The following MTMR6 variants were observed in gnomAD, a reference collection of about 807,000 sequenced individuals.
The protein encoded by MTMR6 is myotubularin related protein 6.
A neutral mutation model predicts 80.1 loss-of-function variants in MTMR6; 47 were observed. The ratio of observed to expected loss-of-function variants is 0.59; its 90% CI spans 0.46 to 0.75. The LOEUF is 0.75. MTMR6 is among the 30% of genes least tolerant of loss of function. The pLI is 0.00. For missense variants in MTMR6, 629 were observed against 730.9 expected (o/e 0.86, Z 1.61); for synonymous variants, 254 against 253.0 (o/e 1.00, Z -0.04).
chr13:25,263,315 C>T (rs1258580863), intron 5 of MTMR6, among the ~76,000 whole-genome samples: 1 of 152,190 alleles, frequency 6.6e-6, no homozygotes, highest in Admixed American at 6.5e-5. Flanking sequence ...AATGCCTGTA[C>T]GAGAACTAGC....
rs1234502675 is a variant in MTMR6 at position 25,248,973 on chromosome 13, T to C, written c.*259A>G. The C allele has an allele frequency of 2.3e-6, 1 of 439,210 alleles. No individual in the cohort carries two copies. Among genetic ancestry groups the C allele is most frequent in the African/African-American group, 2.0e-5 (1 of 50,756 alleles). The allele number at this position is 439,210 out of a possible 1,614,324, so 27.2% of individuals were successfully genotyped here. A position where few individuals can be genotyped will look rare whatever the true frequency, so the allele number is the denominator to read the frequency against. On this transcript the variant is annotated 3_prime_UTR_variant, in exon 14 of 14. Transcript: ENST00000381801. Reference sequence around the variant, plus strand: ...AATCATAAACGTCAATTCACTAGTGTACAGTGCAAATTGTGTTTTGAGTAA... The same window carrying C: ...AATCATAAACGTCAATTCACTAGTGCACAGTGCAAATTGTGTTTTGAGTAA...
intron 1 of MTMR6, among the ~76,000 whole-genome samples, chr13:25,277,229 TTCAA>T (rs1957745921): frequency 1.3e-5 from 2 of 152,338 alleles, no homozygotes; most frequent in African/African-American, 2.4e-5. Context: ...ACCCCCAACA[TTCAA>T]TCAATCACCA....
chr13:25,273,401 C>CA (rs1015049638), intron 2 of MTMR6, among the ~76,000 whole-genome samples: 19 of 150,532 alleles, frequency 1.3e-4, no homozygotes, highest in African/African-American at 3.7e-4. Flanking sequence ...TTTATACTAG[C>CA]AAAAAAAATA....
At position 25,257,805 on chromosome 13, in the gene MTMR6, G is replaced by A. The variant is rs141856051; in HGVS notation, c.900C>T (p.Ser300=). Residue 300 remains serine (S), a synonymous_variant, in exon 8 of 14, where the codon TCC becomes TCT. Transcript: ENST00000381801. ...GAAGCCATCCCGAGCTCTCCAAACC[G>A]GAGTAGAAATCATTGACAGAAAGCC... is the stretch of plus-strand genomic sequence containing the variant. ...TKGLSVNDFY[S]GLESSGWLRH... is the part of the protein sequence containing the mutation. 2.1e-3 allele frequency: 3,437 copies of A among 1,613,596 alleles called. 50 individuals carry two copies. The African/African-American group carries it at 0.033, about 15-fold the overall frequency.
At chr13:25,262,549 G>A (rs1352435354) in intron 5 of MTMR6, among the ~76,000 whole-genome samples, 2 of 152,034 alleles carry the variant, frequency 1.3e-5, no homozygotes, top group African/African-American at 4.8e-5. Context: ...TGTATTTTTT[G>A]TTAAGATGGG....
At chr13:25,274,945 C>CACACACACACACACACAG (rs1957676343) in intron 1 of MTMR6, among the ~76,000 whole-genome samples, 2 of 125,006 alleles carry the variant, frequency 1.6e-5, no homozygotes, top group Non-Finnish European at 1.7e-5. Flanking sequence ...GACAGACACA[C>CACACACACACACACACAG]ACACACACAC....
intron 7 of MTMR6, among the ~76,000 whole-genome samples, chr13:25,258,105 A>T (rs1011046024): frequency 6.6e-6 from 1 of 152,242 alleles, no homozygotes; most frequent in Non-Finnish European, 1.5e-5. Context: ...CTTATATTTT[A>T]ATTTTTTAAA....
intron 10 of MTMR6, 114 bp downstream of exon 10, chr13:25,254,271 T>C (rs1392510365): frequency 2.5e-6 from 2 of 791,528 alleles, no homozygotes; most frequent in East Asian, 5.3e-5. Flanking sequence ...GTAAAAACCA[T>C]GACACTCTTA....
intron 1 of MTMR6, among the ~76,000 whole-genome samples, chr13:25,281,614 A>G (rs925436445): frequency 2.6e-5 from 4 of 152,158 alleles, no homozygotes; most frequent in African/African-American, 9.7e-5. Flanking sequence ...CTACAACTAC[A>G]TAACAATAGA....
In MTMR6 at chr13:25,274,146, G is replaced by A. The variant is rs1198430836; in HGVS notation, c.66C>T (p.Asn22=). The change falls in exon 2 of 14, where the codon AAC becomes AAT. Residue 22 remains asparagine, a synonymous_variant. Transcript: ENST00000381801. Reference sequence around the variant, plus strand: ...GATACAGTGTTCCTGTTAATGACTTGTTGCTGGTACTGAATCGGTCAAGTA... The same window carrying A: ...GATACAGTGTTCCTGTTAATGACTTATTGCTGGTACTGAATCGGTCAAGTA... ...VKLLDRFSTS[N]KSLTGTLYLT... The A allele has an allele frequency of 3.7e-6, 6 of 1,612,490 alleles. No individual in the cohort carries two copies. The Admixed American group carries it at 1.0e-4, about 27-fold the overall frequency.
Position 25,266,288 on chromosome 13 carries a change from TACAGAATAC to T in MTMR6, c.305-11_305-3del. On this transcript the variant is annotated splice_region_variant and splice_polypyrimidine_tract_variant and intron_variant, in intron 3 of 13. Transcript: ENST00000381801. ...ATGCATAGAGATCTTCATATTTTGC[TACAGAATAC>T]AAAATTTTAAATGTTAAGTGCAATT... is the stretch of plus-strand genomic sequence containing the variant. 2 of 1,604,382 alleles carry T rather than the reference TACAGAATAC, an allele frequency of 1.2e-6. No individual in the cohort carries two copies. Among genetic ancestry groups the T allele is most frequent in the Non-Finnish European group, 1.7e-6 (2 of 1,172,114 alleles).
intron 3 of MTMR6, among the ~76,000 whole-genome samples, chr13:25,267,169 C>T (rs1443350487): frequency 6.6e-6 from 1 of 151,086 alleles, no homozygotes; most frequent in African/African-American, 2.4e-5. Context: ...ACTGCTTGAA[C>T]CTGGGAGGCG....
Position 25,272,881 on chromosome 13 carries a change from C to T in MTMR6, c.141+1190G>A, listed in dbSNP as rs144963915. Among the ~76,000 whole-genome samples the T allele has an allele frequency of 2.8e-4, 43 of 152,152 alleles. 1 individual carries two copies. In the South Asian group the frequency reaches 4.4e-3, roughly 15 times the overall value. ...TCCATAGCTTTGCTATTGTGAACAG[C>T]GCTGCAACAAACATGCAAATGCCCG... On this transcript the variant is annotated intron_variant, in intron 2 of 13. Coordinates refer to ENST00000381801, the MANE Select transcript of MTMR6 (RefSeq NM_004685.5).
chr13:25,249,756 C>T (rs985869267), intron 13 of MTMR6, among the ~76,000 whole-genome samples: 19 of 151,968 alleles, frequency 1.3e-4, no homozygotes, highest in African/African-American at 4.6e-4. Context: ...ACTAGGCTTC[C>T]ACACTTAAAA....
chr13:25,256,402 G>A (rs1198274532), intron 9 of MTMR6, among the ~76,000 whole-genome samples: 1 of 152,114 alleles, frequency 6.6e-6, no homozygotes, highest in South Asian at 2.1e-4. Flanking sequence ...TCCCAGAGTC[G>A]GTATGTTAGC....
In MTMR6 at chr13:25,253,815, CAT is replaced by C; in HGVS notation, c.1293_1294del (p.Cys432ProfsTer61). The C allele has an allele frequency of 6.2e-7, 1 of 1,614,082 alleles. No individual in the cohort carries two copies. The highest frequency in any genetic ancestry group is 8.5e-7 in the Non-Finnish European group (1 of 1,180,000). ...ATTTCCAAGGAAGTTTCCAAACTGG[CAT>C]GAATGAATATGCTCATGGATCTGAA... On this transcript the variant is annotated frameshift_variant, in exon 11 of 14. Coordinates refer to ENST00000381801, the MANE Select transcript of MTMR6 (RefSeq NM_004685.5). LOFTEE classifies it high-confidence loss of function.
intron 1 of MTMR6, among the ~76,000 whole-genome samples, chr13:25,277,064 G>A (rs940997176): frequency 6.6e-6 from 1 of 152,162 alleles, no homozygotes; most frequent in African/African-American, 2.4e-5. Context: ...TGTTTGAGCC[G>A]TGTTATACAT....
At chr13:25,255,716 G>A (rs1957189472) in intron 9 of MTMR6, among the ~76,000 whole-genome samples, 1 of 152,052 alleles carries the variant, frequency 6.6e-6, no homozygotes, top group Admixed American at 6.6e-5. Context: ...CAGAGACAGG[G>A]TTTCACCATA....
chr13:25,251,178 G>A lies in MTMR6; in HGVS notation c.1605+471C>T, dbSNP rs959602115. ...ATTACAGGCATGCGCCACCATGCCC[G>A]GCTACTTTTTTGTTATTTTTTTAGT... On this transcript the variant is annotated intron_variant, in intron 13 of 13. Transcript: ENST00000381801. This position sits in a 1 kb window ranked among gnomAD's most constrained non-coding sequence, Gnocchi z 4.1. Among the ~76,000 whole-genome samples, 6 of 152,062 alleles carry A rather than the reference G, an allele frequency of 3.9e-5. No individual in the cohort carries two copies. Among genetic ancestry groups the A allele is most frequent in the South Asian group, 2.1e-4 (1 of 4,808 alleles).
Sources: allele counts gnomAD v4.1 joint callset (sites outside exome capture counted in the v4.1 genomes callset), GRCh38; gene constraint gnomAD v4.1.1; non-coding constraint Gnocchi (gnomAD v3.1); transcripts MANE v1.5; gene names NCBI Gene and HGNC (gene_info 2026-07-23, HGNC 2026-07-21).